The following HDAC9 variants were observed in gnomAD, a reference collection of about 807,000 sequenced individuals.
The protein encoded by HDAC9 is histone deacetylase 9, also known as MEF-2 interacting transcription repressor (MITR) protein.
A neutral mutation model predicts 139.4 loss-of-function variants in HDAC9; 41 were observed. The observed-to-expected ratio is 0.29, with a 90% CI of 0.23 to 0.38. HDAC9 has a LOEUF of 0.38. Ranked by LOEUF, HDAC9 falls within the 10% of genes least tolerant of loss-of-function variation. HDAC9 has a pLI of 1.00. For synonymous variants in HDAC9, 517 were observed against 476.2 expected (o/e 1.09, Z -1.12); for missense variants, 1,147 against 1,297.0 (o/e 0.88, Z 1.78).
At chr7:18,532,071 A>G (rs1226698031) in intron 2 of HDAC9, among the ~76,000 whole-genome samples, 2 of 152,132 alleles carry the variant, frequency 1.3e-5, no homozygotes, top group Non-Finnish European at 2.9e-5. Flanking sequence ...CAACATGGTG[A>G]AACCCTGTCT....
intron 17 of HDAC9, among the ~76,000 whole-genome samples, chr7:18,807,528 T>A (rs1231622008): frequency 6.6e-6 from 1 of 152,126 alleles, no homozygotes; most frequent in Non-Finnish European, 1.5e-5. Flanking sequence ...AGGTTTGTTG[T>A]TTATTTGAGA....
intron 6 of HDAC9, among the ~76,000 whole-genome samples, chr7:18,614,331 C>A (rs1434744591): frequency 1.3e-5 from 2 of 152,134 alleles, no homozygotes; most frequent in Non-Finnish European, 2.9e-5. Context: ...TCCTGAGTTT[C>A]TCAGTTCTGC....
intron 22 of HDAC9, among the ~76,000 whole-genome samples, chr7:18,926,526 T>A (rs377528395): frequency 5.9e-4 from 90 of 152,334 alleles, no homozygotes; most frequent in Non-Finnish European, 1.1e-3. Flanking sequence ...GAGTTTATAA[T>A]AACTCATATC....
chr7:18,701,972 T>C (rs1412578083), intron 12 of HDAC9, among the ~76,000 whole-genome samples: 1 of 152,230 alleles, frequency 6.6e-6, no homozygotes, highest in African/African-American at 2.4e-5. Context: ...AGAGACAGTC[T>C]CCTGAGTGTT....
intron 1 of HDAC9, among the ~76,000 whole-genome samples, chr7:18,403,774 C>T (rs1393995318): frequency 2.0e-5 from 3 of 152,114 alleles, no homozygotes; most frequent in African/African-American, 7.2e-5. Flanking sequence ...TAGATCAAGA[C>T]ATATGTTAAT....
intron 6 of HDAC9, among the ~76,000 whole-genome samples, chr7:18,612,863 AAG>A (rs1210492017): frequency 6.6e-6 from 1 of 151,970 alleles, no homozygotes; most frequent in African/African-American, 2.4e-5. Flanking sequence ...GAGAATATGA[AAG>A]ACAAAAATCA....
chr7:18,706,114 C>T (rs1245359351), intron 12 of HDAC9, among the ~76,000 whole-genome samples: 4 of 136,250 alleles, frequency 2.9e-5, no homozygotes, highest in Non-Finnish European at 4.7e-5. Flanking sequence ...CTAACCAGGT[C>T]GTTTGTTTAC....
At chr7:18,369,997 A>T (rs1017255590) in intron 1 of HDAC9, among the ~76,000 whole-genome samples, 2 of 152,160 alleles carry the variant, frequency 1.3e-5, no homozygotes, top group African/African-American at 2.4e-5. Flanking sequence ...GAGTTTTTTT[A>T]AAAAGATGTT....
intron 6 of HDAC9, among the ~76,000 whole-genome samples, chr7:18,601,215 A>AT (rs1301152354): frequency 1.3e-5 from 2 of 151,934 alleles, no homozygotes; most frequent in Non-Finnish European, 1.5e-5. Context: ...TACTTTCCTA[A>AT]TTTTTTTGGT....
chr7:18,820,598 T>C (rs1392870961), intron 17 of HDAC9, among the ~76,000 whole-genome samples: 1 of 152,108 alleles, frequency 6.6e-6, no homozygotes, highest in African/African-American at 2.4e-5. Flanking sequence ...GAAAATTTTC[T>C]AGCAAAGCCC....
At chr7:18,129,258 C>T (rs1434005674) in intron 1 of HDAC9, among the ~76,000 whole-genome samples, 1 of 152,060 alleles carries the variant, frequency 6.6e-6, no homozygotes, top group Non-Finnish European at 1.5e-5. Flanking sequence ...AGTTTTTAAA[C>T]TGATATACCA....
Position 18,667,143 on chromosome 7 carries a change from A to T in HDAC9, c.1731+667A>T, listed in dbSNP as rs1795078321. The T allele has an allele frequency of 4.1e-6, 4 of 985,050 alleles. No homozygotes were observed. The African/African-American group carries it at 7.0e-5, about 17-fold the overall frequency. The allele number at this position is 985,050 out of a possible 1,614,324, so 61.0% of individuals were successfully genotyped here. On this transcript the variant is annotated intron_variant, in intron 12 of 25. Transcript: ENST00000686413. ...GATGCAAATTGCAGCACTACTTTAA[A>T]TATTAGATTATGTCTCACATAGCAC... is the stretch of plus-strand genomic sequence containing the variant.
chr7:18,657,928 C>A (rs1247031722), intron 11 of HDAC9, among the ~76,000 whole-genome samples: 1 of 152,092 alleles, frequency 6.6e-6, no homozygotes, highest in East Asian at 1.9e-4. Context: ...CCCTCTCTCT[C>A]TAGGCTCCAG....
At chr7:18,166,431 T>C (rs1473577864) in intron 2 of HDAC9, among the ~76,000 whole-genome samples, 1 of 152,224 alleles carries the variant, frequency 6.6e-6, no homozygotes, top group Non-Finnish European at 1.5e-5. Flanking sequence ...TATTGGCAAG[T>C]CTTGGGCAAA....
Position 18,761,431 on chromosome 7 carries a change from C to G in HDAC9, c.2044-726C>G, listed in dbSNP as rs140728986. On this transcript the variant is annotated intron_variant, in intron 14 of 25. Coordinates refer to ENST00000686413, the MANE Select transcript of HDAC9 (RefSeq NM_178425.4). ...TGTTTAATTTCCAATCTGTCAGAGA[C>G]TAATACGCATAAAAAATGTTAAAAA... Among the ~76,000 whole-genome samples, 3 of 152,152 alleles carry G rather than the reference C, an allele frequency of 2.0e-5. No homozygotes were observed. In the East Asian group the frequency reaches 5.8e-4, roughly 29 times the overall value.
intron 1 of HDAC9, among the ~76,000 whole-genome samples, chr7:18,150,882 G>A (rs1266171419): frequency 1.3e-5 from 2 of 152,196 alleles, no homozygotes; most frequent in African/African-American, 4.8e-5. Flanking sequence ...GTGAGTGACA[G>A]TTGACAAAAA....
chr7:18,839,444 C>T (rs546766970), intron 21 of HDAC9, among the ~76,000 whole-genome samples: 14 of 152,088 alleles, frequency 9.2e-5, no homozygotes, highest in East Asian at 1.9e-4. Context: ...CCTTCATGCC[C>T]GCATAGCCTC....
chr7:18,482,867 C>T (rs1795684962), intron 1 of HDAC9, among the ~76,000 whole-genome samples: 1 of 152,106 alleles, frequency 6.6e-6, no homozygotes, highest in Non-Finnish European at 1.5e-5. Context: ...TTCCCAGGAG[C>T]CATTGGAAGA....
intron 2 of HDAC9, among the ~76,000 whole-genome samples, chr7:18,242,177 A>G (rs967977928): frequency 1.3e-5 from 2 of 152,182 alleles, no homozygotes; most frequent in South Asian, 4.1e-4. Flanking sequence ...CCTTACCACT[A>G]TTTTCCCCCC....
Sources: gnomAD v4.1 joint callset for allele counts (sites outside exome capture counted in the v4.1 genomes callset) on GRCh38, gnomAD v4.1.1 for gene constraint, MANE v1.5 for transcripts, NCBI Gene and HGNC (gene_info 2026-07-23, HGNC 2026-07-21) for gene names.